Variants in YIPF7 observed in about 807,000 individuals in gnomAD.
YIPF7 encodes protein YIPF7.
YIPF7 carries 35 observed loss-of-function variants against 27.2 expected under a neutral mutation model. The ratio of observed to expected loss-of-function variants is 1.29; its 90% CI spans 0.98 to 1.70. The LOEUF (loss-of-function observed/expected upper bound fraction) is 1.70, where lower values mean the gene tolerates loss of function less well. YIPF7 is among the 40% of genes most tolerant of loss of function. YIPF7 has a pLI of 0.00. For missense variants in YIPF7, 358 were observed against 303.7 expected, an observed-to-expected ratio of 1.18 and a Z score of -1.33; for synonymous variants, 137 against 110.4, an observed-to-expected ratio of 1.24 and a Z score of -1.51.
intron 4 of YIPF7, among the ~76,000 whole-genome samples, chr4:44,626,763 C>CTTTTTTTTTTTTTTTTTTTTTTTTTT (rs71190269): frequency 2.9e-5 from 2 of 69,768 alleles, no homozygotes; most frequent in South Asian, 7.5e-4. Flanking sequence ...ATTAGCACAT[C>CTTTTTTTTTTTTTTTTTTTTTTTTTT]TTTTTTTTTT....
intron 2 of YIPF7, among the ~76,000 whole-genome samples, chr4:44,649,577 T>A (rs1282749218): frequency 6.6e-6 from 1 of 150,996 alleles, no homozygotes; most frequent in African/African-American, 2.4e-5. Flanking sequence ...TCCAGGCCAG[T>A]CTGGGCAACA....
chr4:44,634,275 G>C (rs544591647), intron 3 of YIPF7, among the ~76,000 whole-genome samples: 1 of 152,294 alleles, frequency 6.6e-6, no homozygotes, highest in East Asian at 1.9e-4. Flanking sequence ...GCTCATGCCC[G>C]TAATCCCAGC....
chr4:44,645,326 G>T (rs1713489453), intron 2 of YIPF7, among the ~76,000 whole-genome samples: 1 of 152,088 alleles, frequency 6.6e-6, no homozygotes, highest in South Asian at 2.1e-4. Flanking sequence ...ATGCCAATGA[G>T]TTTTCATATA....
intron 4 of YIPF7, chr4:44,629,111 T>G: frequency 4.1e-6 from 1 of 241,032 alleles, no homozygotes; most frequent in Non-Finnish European, 7.8e-6. Context: ...AATCTATGTT[T>G]TCCTTCCATT....
intron 2 of YIPF7, among the ~76,000 whole-genome samples, chr4:44,636,371 C>T (rs1713122454): frequency 6.6e-6 from 1 of 152,174 alleles, no homozygotes; most frequent in African/African-American, 2.4e-5. Context: ...AAGGTAAAAG[C>T]TGTATTTCTA....
Position 44,622,208 on chromosome 4 carries a change from G to C in YIPF7, c.*206C>G. The C allele has an allele frequency of 1.6e-6, 1 of 606,314 alleles. No individual in the cohort carries two copies. Among genetic ancestry groups the C allele is most frequent in the Non-Finnish European group, 2.9e-6 (1 of 350,532 alleles). 37.6% of individuals were successfully genotyped at this position (606,314 alleles called of 1,614,324 possible). A position where few individuals can be genotyped will look rare whatever the true frequency, so the allele number is the denominator to read the frequency against. ...CTTTTGATTTTAAGTATTTTGAAAT[G>C]TTTTAATGCACCAAACTCAAAAGCA... On this transcript the variant is annotated 3_prime_UTR_variant, in exon 6 of 6. Transcript: ENST00000415895.
intron 2 of YIPF7, among the ~76,000 whole-genome samples, chr4:44,656,679 T>C (rs546099576): frequency 8.5e-5 from 13 of 152,152 alleles, no homozygotes; most frequent in African/African-American, 2.9e-4. Flanking sequence ...TTTACAATCA[T>C]TCAACACATA....
chr4:44,624,122 G>A (rs973877553), intron 5 of YIPF7, among the ~76,000 whole-genome samples: 5 of 149,284 alleles, frequency 3.3e-5, no homozygotes, highest in Non-Finnish European at 5.9e-5. Context: ...CTGGAGTGCA[G>A]TGGTGCGATC....
At chr4:44,640,068 G>A (rs1424284218) in intron 2 of YIPF7, among the ~76,000 whole-genome samples, 1 of 151,966 alleles carries the variant, frequency 6.6e-6, no homozygotes, top group Non-Finnish European at 1.5e-5. Flanking sequence ...ATTATTTTTT[G>A]ATGTGCTGTT....
intron 3 of YIPF7, 151 bp downstream of exon 3, chr4:44,635,771 T>C (rs987140009): frequency 3.7e-5 from 32 of 868,606 alleles, no homozygotes; most frequent in Non-Finnish European, 6.7e-6. Flanking sequence ...CTTCCAATGG[T>C]TTAAGGGTTT....
At chr4:44,658,651 G>C (rs1223163288) in intron 2 of YIPF7, among the ~76,000 whole-genome samples, 1 of 152,170 alleles carries the variant, frequency 6.6e-6, no homozygotes, top group Non-Finnish European at 1.5e-5. Flanking sequence ...AACAACGGTA[G>C]ACTATTTGTA....
At chr4:44,651,153 G>GT (rs1713727016) in intron 1 of YIPF7, among the ~76,000 whole-genome samples, 1 of 152,100 alleles carries the variant, frequency 6.6e-6, no homozygotes, top group Non-Finnish European at 1.5e-5. Context: ...AAATATTCAA[G>GT]TAACAGTTGT....
intron 5 of YIPF7, among the ~76,000 whole-genome samples, chr4:44,624,159 G>C (rs749893093): frequency 3.3e-5 from 5 of 151,374 alleles, no homozygotes; most frequent in Non-Finnish European, 7.4e-5. Flanking sequence ...TCCGCCTCTG[G>C]GTTCAAGCGA....
intron 3 of YIPF7, among the ~76,000 whole-genome samples, chr4:44,630,198 G>A (rs571069237): frequency 1.1e-3 from 171 of 152,216 alleles, no homozygotes; most frequent in Non-Finnish European, 1.4e-3. Context: ...GAGCTCCTGG[G>A]CTCCAGGGAG....
Position 44,622,483 on chromosome 4 carries a change from T to A in YIPF7, c.702A>T (p.Gly234=), listed in dbSNP as rs771882911. ...AAGGGTAGGCAACAAGAAGCTGCTG[T>A]CCTTCCATGTGCAAGGCTGCAATGA... ...KIFIAALHME[G]QQLLVAYPCA... The change falls in exon 6 of 6, where the codon GGA becomes GGT. Residue 234 remains glycine (G), a synonymous_variant. Transcript: ENST00000415895. The A allele has an allele frequency of 2.5e-6, 4 of 1,613,806 alleles. No individual in the cohort carries two copies. The African/African-American group carries it at 5.3e-5, about 22-fold the overall frequency.
intron 5 of YIPF7, among the ~76,000 whole-genome samples, chr4:44,623,230 T>C (rs1202353721): frequency 6.6e-6 from 1 of 152,196 alleles, no homozygotes; most frequent in Admixed American, 6.5e-5. Flanking sequence ...GATAGTTAAG[T>C]CTAGTCACTT....
At chr4:44,642,550 T>C (rs1053815403) in intron 2 of YIPF7, among the ~76,000 whole-genome samples, 3 of 152,090 alleles carry the variant, frequency 2.0e-5, no homozygotes, top group African/African-American at 7.2e-5. Flanking sequence ...AATCTGTAAA[T>C]GATATAGTTT....
chr4:44,628,179 C>G (rs568573510), intron 4 of YIPF7, among the ~76,000 whole-genome samples: 68 of 152,214 alleles, frequency 4.5e-4, no homozygotes, highest in Admixed American at 1.2e-3. Flanking sequence ...TAAATTAAAA[C>G]TCTAGTTGAT....
chr4:44,634,836 A>C (rs1713049240), intron 3 of YIPF7, among the ~76,000 whole-genome samples: 1 of 152,206 alleles, frequency 6.6e-6, no homozygotes, highest in South Asian at 2.1e-4. Context: ...TGGCAAAGTC[A>C]AGGAAAATGT....
Sources: allele counts gnomAD v4.1 joint callset (sites outside exome capture counted in the v4.1 genomes callset), GRCh38; gene constraint gnomAD v4.1.1; transcripts MANE v1.5; gene names NCBI Gene and HGNC (gene_info 2026-07-23, HGNC 2026-07-21).